SOX5: variants seen among roughly 807,000 people sequenced by gnomAD.
The protein encoded by SOX5 is SRY-box transcription factor 5, also known as transcription factor SOX-5.
SOX5 carries 9 observed loss-of-function variants against 92.0 expected under a neutral mutation model. The ratio of observed to expected loss-of-function variants is 0.10; its 90% CI spans 0.06 to 0.17. SOX5 has a LOEUF of 0.17. Among genes scored for constraint, SOX5 ranks in the 10% least tolerant of loss-of-function variants. SOX5 has a pLI of 1.00. For synonymous variants in SOX5, 344 were observed against 336.3 expected (o/e 1.02, Z -0.25); for missense variants, 642 against 944.5 (o/e 0.68, Z 4.20).
intron 3 of SOX5, among the ~76,000 whole-genome samples, chr12:23,835,900 T>C (rs1317813997): frequency 4.0e-5 from 6 of 151,790 alleles, no homozygotes; most frequent in African/African-American, 1.2e-4. Flanking sequence ...ATGGAGATAA[T>C]AGGAATGAGG....
intron 1 of SOX5, chr12:24,460,922 A>C (rs1302184736): frequency 2.6e-5 from 4 of 152,188 alleles, no homozygotes; most frequent in African/African-American, 7.2e-5. Flanking sequence ...GTCCAAACTG[A>C]CTTTGGTAAC....
intron 2 of SOX5, among the ~76,000 whole-genome samples, chr12:24,314,905 G>T (rs566119617): frequency 6.6e-6 from 1 of 152,172 alleles, no homozygotes; most frequent in Non-Finnish European, 1.5e-5. Context: ...GCACATATTT[G>T]TTGTTGGATA....
intron 4 of SOX5, among the ~76,000 whole-genome samples, chr12:24,180,237 A>G (rs1955330944): frequency 6.6e-6 from 1 of 152,164 alleles, no homozygotes; most frequent in Non-Finnish European, 1.5e-5. Flanking sequence ...GGAATAAGCT[A>G]TCATGCCTGG....
intron 1 of SOX5, among the ~76,000 whole-genome samples, chr12:24,490,559 AT>A (rs1351901967): frequency 6.6e-6 from 1 of 152,032 alleles, no homozygotes; most frequent in Admixed American, 6.6e-5. Flanking sequence ...CCAAACAGCA[AT>A]TTTTTTCCAC....
intron 1 of SOX5, among the ~76,000 whole-genome samples, chr12:24,445,410 T>C (rs1252573456): frequency 6.6e-6 from 1 of 152,212 alleles, no homozygotes; most frequent in South Asian, 2.1e-4. Context: ...TGTGACAGAC[T>C]ATGAGTTTCA....
At chr12:24,191,049 G>A (rs544777695) in intron 4 of SOX5, among the ~76,000 whole-genome samples, 2 of 152,220 alleles carry the variant, frequency 1.3e-5, no homozygotes, top group East Asian at 1.9e-4. Flanking sequence ...TGGCTGCAGC[G>A]ATCCTGGACT....
intron 10 of SOX5, among the ~76,000 whole-genome samples, chr12:23,568,416 C>G (rs1206328028): frequency 6.6e-6 from 1 of 152,100 alleles, no homozygotes; most frequent in Non-Finnish European, 1.5e-5. Flanking sequence ...AATATGCCAC[C>G]CTTGGTCTTT....
At chr12:24,114,071 C>T (rs1593281475) in intron 4 of SOX5, among the ~76,000 whole-genome samples, 1 of 152,266 alleles carries the variant, frequency 6.6e-6, no homozygotes, top group East Asian at 1.9e-4. Context: ...GCATCTGACC[C>T]ATCTTCCTAA....
chr12:24,121,746 C>A (rs572563848), intron 4 of SOX5, among the ~76,000 whole-genome samples: 1 of 151,048 alleles, frequency 6.6e-6, no homozygotes, highest in Non-Finnish European at 1.5e-5. Context: ...ATCAGCCAGG[C>A]GCGGTGGTAG....
chr12:24,440,361 C>A (rs776727750), intron 1 of SOX5, among the ~76,000 whole-genome samples: 1 of 152,132 alleles, frequency 6.6e-6, no homozygotes, highest in Non-Finnish European at 1.5e-5. Flanking sequence ...TGGGAGCGGT[C>A]ATAATTGACT....
At chr12:23,999,672 T>G (rs1016450977) in intron 4 of SOX5, among the ~76,000 whole-genome samples, 1 of 152,028 alleles carries the variant, frequency 6.6e-6, no homozygotes, top group African/African-American at 2.4e-5. Context: ...AAAAATTGTC[T>G]TTAAAAAAGA....
intron 9 of SOX5, among the ~76,000 whole-genome samples, chr12:23,590,978 C>T (rs1259493088): frequency 6.6e-6 from 1 of 151,982 alleles, no homozygotes; most frequent in Admixed American, 6.6e-5. Context: ...TATTAACTAT[C>T]TATTCTAAGT....
At chr12:23,609,958 A>G (rs1385357462) in intron 8 of SOX5, among the ~76,000 whole-genome samples, 1 of 152,148 alleles carries the variant, frequency 6.6e-6, no homozygotes, top group East Asian at 1.9e-4. Context: ...ATTAACAGGC[A>G]TTCTTTCTGC....
chr12:24,335,972 C>CATATATATATATATATAT (rs57461232), intron 2 of SOX5, among the ~76,000 whole-genome samples: 8,414 of 58,320 alleles, frequency 0.14, 1,470 homozygotes, highest in Non-Finnish European at 0.19. Flanking sequence ...GAAATGCTAT[C>CATATATATATATATATAT]ATATATATAT....
At chr12:24,093,249 C>T (rs975311384) in intron 4 of SOX5, among the ~76,000 whole-genome samples, 7 of 152,040 alleles carry the variant, frequency 4.6e-5, no homozygotes, top group Non-Finnish European at 7.4e-5. Flanking sequence ...CGGCTGGGCG[C>T]GGTGGCTCAC....
chr12:24,140,754 C>T (rs998686872), intron 4 of SOX5, among the ~76,000 whole-genome samples: 10 of 152,050 alleles, frequency 6.6e-5, no homozygotes, highest in African/African-American at 1.2e-4. Context: ...TAATTTTTAC[C>T]GTTCAATAGA....
intron 1 of SOX5, among the ~76,000 whole-genome samples, chr12:24,515,638 T>TA (rs1210311548): frequency 3.3e-5 from 5 of 152,228 alleles, no homozygotes; most frequent in African/African-American, 1.2e-4. Context: ...TCTCTTCTTT[T>TA]AAAAACACAG....
At chr12:24,281,659 T>C (rs1945215470) in intron 2 of SOX5, among the ~76,000 whole-genome samples, 1 of 152,202 alleles carries the variant, frequency 6.6e-6, no homozygotes, top group African/African-American at 2.4e-5. Flanking sequence ...AAGAGCACAA[T>C]AAACAATTTT....
At chr12:24,147,400 G>C (rs1951193319) in intron 4 of SOX5, among the ~76,000 whole-genome samples, 1 of 152,114 alleles carries the variant, frequency 6.6e-6, no homozygotes, top group Non-Finnish European at 1.5e-5. Flanking sequence ...AAAATTTTCA[G>C]TGTACTAGGT....
Sources: allele counts gnomAD v4.1 joint callset (sites outside exome capture counted in the v4.1 genomes callset), GRCh38; gene constraint gnomAD v4.1.1; transcripts MANE v1.5; gene names NCBI Gene and HGNC (gene_info 2026-07-23, HGNC 2026-07-21).